The following EEFSEC variants were observed in gnomAD, a reference collection of about 807,000 sequenced individuals.
EEFSEC encodes selenocysteine-specific elongation factor.
Under a neutral mutation model 42.1 loss-of-function variants are expected in EEFSEC, and 43 were observed. The ratio of observed to expected loss-of-function variants is 1.02; its 90% CI spans 0.80 to 1.32. The LOEUF is 1.32. EEFSEC is among the 40% of genes most tolerant of loss of function. The probability of loss-of-function intolerance (pLI) is 0.00; values close to 1 mark genes in which losing one functional copy is unlikely to be tolerated. For missense variants in EEFSEC, 745 were observed against 803.6 expected (o/e 0.93, Z 0.88); for synonymous variants, 354 against 339.1 (o/e 1.04, Z -0.48).
intron 1 of EEFSEC, among the ~76,000 whole-genome samples, chr3:128,239,574 C>G (rs1359906665): frequency 6.6e-6 from 1 of 152,166 alleles, no homozygotes; most frequent in Non-Finnish European, 1.5e-5. Context: ...AGCTGCCACC[C>G]CGTTCCTCCT....
At chr3:128,297,324 A>C (rs2107996640) in intron 4 of EEFSEC, among the ~76,000 whole-genome samples, 1 of 152,196 alleles carries the variant, frequency 6.6e-6, no homozygotes, top group Non-Finnish European at 1.5e-5. Context: ...TGTGATGATA[A>C]CTTTCGGAGA....
intron 5 of EEFSEC, among the ~76,000 whole-genome samples, chr3:128,346,492 T>C (rs2067313487): frequency 6.6e-6 from 1 of 152,256 alleles, no homozygotes; most frequent in African/African-American, 2.4e-5. Flanking sequence ...GTATCTCATA[T>C]TCTGTTAACA....
chr3:128,368,657 GGCCTGGGTCAGCTCACT>G (rs1217434905), intron 6 of EEFSEC, among the ~76,000 whole-genome samples: 1 of 152,186 alleles, frequency 6.6e-6, no homozygotes, highest in Non-Finnish European at 1.5e-5. Context: ...CCTTCTGAAG[GGCCTGGGTCAGCTCACT>G]GCCTTTGGAG....
intron 4 of EEFSEC, among the ~76,000 whole-genome samples, chr3:128,321,360 G>C (rs1053335763): frequency 6.6e-6 from 1 of 152,176 alleles, no homozygotes; most frequent in Admixed American, 6.5e-5. Flanking sequence ...CCCAGCTGCT[G>C]CCAAGTTCTG....
At chr3:128,299,086 G>A (rs1415774463) in intron 4 of EEFSEC, among the ~76,000 whole-genome samples, 2 of 152,116 alleles carry the variant, frequency 1.3e-5, no homozygotes, top group African/African-American at 4.8e-5. Flanking sequence ...TATATACCCA[G>A]CAGTGGGATT....
chr3:128,384,978 G>A (rs1221618031), intron 6 of EEFSEC, among the ~76,000 whole-genome samples: 2 of 152,174 alleles, frequency 1.3e-5, no homozygotes. Context: ...ACTGGGTTTT[G>A]TTTGAATGTG....
intron 1 of EEFSEC, among the ~76,000 whole-genome samples, chr3:128,175,624 A>G (rs1453520134): frequency 6.6e-6 from 1 of 152,236 alleles, no homozygotes; most frequent in Non-Finnish European, 1.5e-5. Context: ...TGAGTCCCAG[A>G]TACATGGGCT....
At chr3:128,375,829 C>T (rs1485632007) in intron 6 of EEFSEC, among the ~76,000 whole-genome samples, 1 of 152,224 alleles carries the variant, frequency 6.6e-6, no homozygotes, top group Non-Finnish European at 1.5e-5. Flanking sequence ...TAGTCTGTGG[C>T]CTGCACATGC....
chr3:128,263,384 C>G (rs1056886230), intron 3 of EEFSEC, among the ~76,000 whole-genome samples: 1 of 152,248 alleles, frequency 6.6e-6, no homozygotes. Flanking sequence ...GATGTGACCA[C>G]GTACATGCAC....
chr3:128,248,687 C>A (rs1327919144), intron 2 of EEFSEC, among the ~76,000 whole-genome samples: 1 of 150,070 alleles, frequency 6.7e-6, no homozygotes, highest in Non-Finnish European at 1.5e-5. Context: ...CGCAAAAAAA[C>A]CCAGTACAAC....
chr3:128,419,074 A>G, the EEFSEC span, among the ~76,000 whole-genome samples: 1 of 152,256 alleles, frequency 6.6e-6, no homozygotes, highest in Non-Finnish European at 1.5e-5. Context: ...AGTGTTGGTG[A>G]AGAGTGAGGG....
rs141539221 is a variant in EEFSEC at position 128,259,573 on chromosome 3, A to G, written c.525-2555A>G. Among the ~76,000 whole-genome samples the G allele has an allele frequency of 4.5e-3, 693 of 152,330 alleles. 4 individuals carry two copies. The highest frequency in any genetic ancestry group is 0.015 in the African/African-American group (608 of 41,572). ...ACTTTCAATGTGGAAAGAATTGTAC[A>G]GCCATCACCACTATCTAATTCCAGA... On this transcript the variant is annotated intron_variant, in intron 2 of 6. Coordinates refer to ENST00000254730, the MANE Select transcript of EEFSEC (RefSeq NM_021937.5).
chr3:128,358,629 T>C (rs1206629854), intron 6 of EEFSEC, among the ~76,000 whole-genome samples: 1 of 152,152 alleles, frequency 6.6e-6, no homozygotes, highest in African/African-American at 2.4e-5. Flanking sequence ...CTGCACCATT[T>C]ACCATCTGAG....
At chr3:128,414,418 G>A in the EEFSEC span, among the ~76,000 whole-genome samples, 13 of 152,204 alleles carry the variant, frequency 8.5e-5, no homozygotes, top group Admixed American at 5.9e-4. Flanking sequence ...TGAGCTGGGG[G>A]TAGAGAAAGG....
chr3:128,299,116 C>T (rs368483631), intron 4 of EEFSEC, among the ~76,000 whole-genome samples: 3 of 152,122 alleles, frequency 2.0e-5, no homozygotes, highest in Middle Eastern at 3.2e-3. Flanking sequence ...TATAGTACTT[C>T]TATTTTTACT....
intron 2 of EEFSEC, among the ~76,000 whole-genome samples, chr3:128,250,791 T>C (rs141838008): frequency 1.0e-3 from 152 of 152,286 alleles, no homozygotes; most frequent in African/African-American, 3.3e-3. Flanking sequence ...GGAATTTTGA[T>C]AGGTATTGCA....
chr3:128,189,929 C>T (rs1021370289), intron 1 of EEFSEC, among the ~76,000 whole-genome samples: 1 of 152,144 alleles, frequency 6.6e-6, no homozygotes, highest in East Asian at 1.9e-4. Context: ...GTGGCACGAT[C>T]TTGGCTCACT....
intron 6 of EEFSEC, among the ~76,000 whole-genome samples, chr3:128,370,581 A>G (rs756732486): frequency 1.3e-5 from 2 of 152,134 alleles, no homozygotes; most frequent in Non-Finnish European, 2.9e-5. Flanking sequence ...GGGCCTGTGG[A>G]GGGAGGAGAG....
At chr3:128,261,273 A>G (rs921857330) in intron 2 of EEFSEC, among the ~76,000 whole-genome samples, 3 of 152,188 alleles carry the variant, frequency 2.0e-5, no homozygotes, top group Non-Finnish European at 2.9e-5. Flanking sequence ...TTTCTCATCT[A>G]TAAGATGGCA....
Sources: allele counts gnomAD v4.1 joint callset (sites outside exome capture counted in the v4.1 genomes callset), GRCh38; gene constraint gnomAD v4.1.1; transcripts MANE v1.5; gene names NCBI Gene and HGNC (gene_info 2026-07-23, HGNC 2026-07-21).